The following MYRIP variants were observed in gnomAD, a reference collection of about 807,000 sequenced individuals.
MYRIP encodes rab effector MyRIP.
MYRIP carries 49 observed loss-of-function variants against 98.0 expected under a neutral mutation model. The observed-to-expected ratio is 0.50, with a 90% CI of 0.40 to 0.63. The LOEUF (loss-of-function observed/expected upper bound fraction) is 0.63, where lower values mean the gene tolerates loss of function less well. Ranked by LOEUF, MYRIP falls within the 30% of genes least tolerant of loss-of-function variation. The probability of loss-of-function intolerance (pLI) is 0.00; values close to 1 mark genes in which losing one functional copy is unlikely to be tolerated. For missense variants in MYRIP, 1,004 were observed against 1,058.2 expected (o/e 0.95, Z 0.71); for synonymous variants, 404 against 409.5 (o/e 0.99, Z 0.16).
intron 3 of MYRIP, among the ~76,000 whole-genome samples, chr3:40,114,450 A>G (rs1266851574): frequency 2.0e-5 from 3 of 152,254 alleles, no homozygotes; most frequent in Non-Finnish European, 2.9e-5. Flanking sequence ...TCATTAAGTG[A>G]TAATGACTGT....
intron 1 of MYRIP, among the ~76,000 whole-genome samples, chr3:39,811,447 C>A (rs780152959): frequency 2.6e-5 from 4 of 152,096 alleles, no homozygotes; most frequent in Non-Finnish European, 4.4e-5. Flanking sequence ...AATTTTACAG[C>A]AATATCTGGG....
chr3:39,874,230 G>C (rs917885078), intron 1 of MYRIP, among the ~76,000 whole-genome samples: 1 of 152,148 alleles, frequency 6.6e-6, no homozygotes, highest in African/African-American at 2.4e-5. Context: ...TCAGCTTAAG[G>C]AGATTTTGGG....
chr3:40,009,237 C>CT (rs553315704), intron 2 of MYRIP, among the ~76,000 whole-genome samples: 11,370 of 139,196 alleles, frequency 0.082, 717 homozygotes, highest in East Asian at 0.16. Context: ...ACTGCTACTT[C>CT]TTTTTTTTTT....
At chr3:40,214,494 A>T (rs1952056992) in intron 11 of MYRIP, among the ~76,000 whole-genome samples, 1 of 152,220 alleles carries the variant, frequency 6.6e-6, no homozygotes, top group East Asian at 1.9e-4. Context: ...CTGTATGCAA[A>T]CATATCCCTA....
intron 3 of MYRIP, among the ~76,000 whole-genome samples, chr3:40,078,024 G>C (rs1035242493): frequency 6.6e-6 from 1 of 152,260 alleles, no homozygotes; most frequent in African/African-American, 2.4e-5. Flanking sequence ...CCCATGGAGA[G>C]GGTGGGAGGC....
intron 4 of MYRIP, among the ~76,000 whole-genome samples, 175 bp downstream of exon 4, chr3:40,151,359 G>T (rs548086489): frequency 3.9e-5 from 6 of 152,306 alleles, no homozygotes; most frequent in Non-Finnish European, 5.9e-5. Context: ...CTGCTAAGTT[G>T]TGACTCTTTT....
chr3:40,071,873 A>G (rs1001337382), intron 3 of MYRIP, among the ~76,000 whole-genome samples: 5 of 152,168 alleles, frequency 3.3e-5, no homozygotes, highest in Admixed American at 3.3e-4. Context: ...TGCCTTTCAC[A>G]GGGCACAGCA....
intron 2 of MYRIP, among the ~76,000 whole-genome samples, chr3:39,920,255 T>A (rs1289096403): frequency 6.6e-6 from 1 of 152,160 alleles, no homozygotes; most frequent in African/African-American, 2.4e-5. Flanking sequence ...TACCTTTAAA[T>A]TTTTATATCT....
intron 3 of MYRIP, among the ~76,000 whole-genome samples, chr3:40,061,655 G>T (rs771501503): frequency 2.0e-5 from 3 of 152,192 alleles, no homozygotes; most frequent in Non-Finnish European, 2.9e-5. Context: ...TTGAGGAATT[G>T]CCATACTGCT....
intron 11 of MYRIP, among the ~76,000 whole-genome samples, chr3:40,218,147 T>C (rs1952180695): frequency 6.6e-6 from 1 of 152,060 alleles, no homozygotes; most frequent in African/African-American, 2.4e-5. Context: ...TATTTATTTC[T>C]CTAATAAAGA....
chr3:39,953,113 G>C (rs959550977), intron 2 of MYRIP, among the ~76,000 whole-genome samples: 1 of 152,086 alleles, frequency 6.6e-6, no homozygotes, highest in Admixed American at 6.6e-5. Flanking sequence ...AAATCAATCT[G>C]GTTTCTTTCT....
rs567983558 is a variant in MYRIP at position 40,006,876 on chromosome 3, T to G, written c.111-37174T>G. Among the ~76,000 whole-genome samples the G allele has an allele frequency of 1.1e-3, 169 of 152,252 alleles. 1 individual carries two copies. Among genetic ancestry groups the G allele is most frequent in the African/African-American group, 3.8e-3 (159 of 41,550 alleles). ...TGTTGTTGTGAGGGCTTATTTTTTT[T>G]AAGAGGCTGGGTCTTGCTCTGTTGC... On this transcript the variant is annotated intron_variant, in intron 2 of 16. Coordinates refer to ENST00000302541, the MANE Select transcript of MYRIP (RefSeq NM_015460.4).
At chr3:39,879,367 C>A (rs780860418) in intron 1 of MYRIP, among the ~76,000 whole-genome samples, 3 of 148,920 alleles carry the variant, frequency 2.0e-5, no homozygotes, top group Non-Finnish European at 4.5e-5. Context: ...TTTTCTTTGA[C>A]CTTGGGTGAC....
chr3:40,254,634 TCATCTTGTAGC>T (rs145293235), intron 16 of MYRIP, among the ~76,000 whole-genome samples: 10 of 152,292 alleles, frequency 6.6e-5, no homozygotes, highest in Non-Finnish European at 1.3e-4. Context: ...ATATAGCTTT[TCATCTTGTAGC>T]CATCTTATTT....
At chr3:40,028,577 G>C (rs961185797) in intron 2 of MYRIP, among the ~76,000 whole-genome samples, 1 of 152,126 alleles carries the variant, frequency 6.6e-6, no homozygotes, top group Non-Finnish European at 1.5e-5. Context: ...GAAATTATAA[G>C]TGCCACTCAG....
At chr3:39,883,836 C>T (rs562077856) in intron 1 of MYRIP, among the ~76,000 whole-genome samples, 1 of 151,984 alleles carries the variant, frequency 6.6e-6, no homozygotes, top group South Asian at 2.1e-4. Flanking sequence ...CTGACCTGAA[C>T]AATACAGTAA....
chr3:40,233,691 T>C (rs915412534), intron 11 of MYRIP, among the ~76,000 whole-genome samples, 168 bp from the exon 12 acceptor site: 11 of 152,228 alleles, frequency 7.2e-5, no homozygotes, highest in African/African-American at 2.7e-4. Flanking sequence ...CTCAGTTCTC[T>C]TCTGCTGTGT....
chr3:40,047,685 G>A (rs1471268260), intron 3 of MYRIP, among the ~76,000 whole-genome samples: 1 of 152,130 alleles, frequency 6.6e-6, no homozygotes, highest in African/African-American at 2.4e-5. Context: ...ACCTGTCTAG[G>A]AAAGAAATCC....
chr3:40,199,430 G>A (rs188720588), intron 10 of MYRIP, among the ~76,000 whole-genome samples: 2,073 of 152,270 alleles, frequency 0.014, 21 homozygotes, highest in Non-Finnish European at 0.021. Context: ...CCTCCCCACA[G>A]CTCCCCTCCC....
Sources: allele counts gnomAD v4.1 joint callset (sites outside exome capture counted in the v4.1 genomes callset), GRCh38; gene constraint gnomAD v4.1.1; transcripts MANE v1.5; gene names NCBI Gene and HGNC (gene_info 2026-07-23, HGNC 2026-07-21).